ARHGAP20: variants seen among roughly 807,000 people sequenced by gnomAD.
The protein encoded by ARHGAP20 is Rho GTPase activating protein 20, also known as rho GTPase-activating protein 20.
Under a neutral mutation model 73.7 loss-of-function variants are expected in ARHGAP20, and 34 were observed. The observed-to-expected ratio is 0.46, with a 90% CI of 0.35 to 0.61. The LOEUF is 0.61. Ranked by LOEUF, ARHGAP20 falls within the 20% of genes least tolerant of loss-of-function variation. ARHGAP20 has a pLI of 0.00. For synonymous variants in ARHGAP20, 523 were observed against 518.2 expected (o/e 1.01, Z -0.13); for missense variants, 1,314 against 1,420.9 (o/e 0.92, Z 1.21).
At chr11:110,698,106 T>C (rs1280611062) in intron 1 of ARHGAP20, among the ~76,000 whole-genome samples, 2 of 151,726 alleles carry the variant, frequency 1.3e-5, no homozygotes, top group Non-Finnish European at 3.0e-5. Context: ...CATCAGCCTA[T>C]TTTGTTAAGG....
chr11:110,649,042 T>C (rs931958492), intron 2 of ARHGAP20, among the ~76,000 whole-genome samples: 48 of 152,126 alleles, frequency 3.2e-4, no homozygotes, highest in Non-Finnish European at 6.0e-4. Context: ...TTTTGACATG[T>C]ATGTTTTGAA....
chr11:110,592,535 T>G (rs1305599811), intron 9 of ARHGAP20, among the ~76,000 whole-genome samples: 1 of 151,836 alleles, frequency 6.6e-6, no homozygotes, highest in Non-Finnish European at 1.5e-5. Flanking sequence ...AGACTAAGCA[T>G]ACAAAAAGTT....
Position 110,580,242 on chromosome 11 carries a change from T to G in ARHGAP20, c.2704A>C (p.Ser902Arg). 6.2e-7 allele frequency: 1 copy of G among 1,614,222 alleles called. No homozygotes were observed. Among genetic ancestry groups the G allele is most frequent in the Non-Finnish European group, 8.5e-7 (1 of 1,180,034 alleles). ...QMEGQKLINQ[S>R]LVMGIEVGKS... ...CCCACCTCAATCCCCATGACTAAAC[T>G]CTGATTAATGAGCTTCTGCCCCTCC... Residue 902 changes from serine to arginine, a missense_variant, in exon 15 of 15, where the codon AGT (serine) becomes CGT (arginine). Coordinates refer to ENST00000683387, the MANE Select transcript of ARHGAP20 (RefSeq NM_001384657.1).
At chr11:110,655,492 T>C (rs1949445818) in intron 2 of ARHGAP20, among the ~76,000 whole-genome samples, 1 of 152,218 alleles carries the variant, frequency 6.6e-6, no homozygotes, top group Non-Finnish European at 1.5e-5. Context: ...CCAAGGGTTT[T>C]TGTCTGTCTT....
intron 2 of ARHGAP20, among the ~76,000 whole-genome samples, chr11:110,676,068 C>CT (rs2135080703): frequency 6.6e-6 from 1 of 152,296 alleles, no homozygotes; most frequent in East Asian, 1.9e-4. Flanking sequence ...GGTATTACAA[C>CT]TCCCGCACAT....
chr11:110,588,410 T>G (rs1260207563), intron 11 of ARHGAP20, among the ~76,000 whole-genome samples: 2 of 152,174 alleles, frequency 1.3e-5, no homozygotes, highest in Admixed American at 1.3e-4. Flanking sequence ...AAGCTATAAC[T>G]TAAACTTATA....
intron 2 of ARHGAP20, among the ~76,000 whole-genome samples, chr11:110,688,263 A>C (rs947958443): frequency 6.6e-6 from 1 of 151,900 alleles, no homozygotes; most frequent in Non-Finnish European, 1.5e-5. Flanking sequence ...CCTAGAGGTT[A>C]GTAACACCCC....
chr11:110,697,705 G>C (rs189866320), intron 1 of ARHGAP20, among the ~76,000 whole-genome samples: 4 of 151,814 alleles, frequency 2.6e-5, no homozygotes. Context: ...GTTTATTTTT[G>C]TTGGCTTTGT....
chr11:110,579,007 A>G lies in ARHGAP20; in HGVS notation c.*363T>C. The stretch of plus-strand genomic sequence containing the variant: ...CCTTCCCCTCTCTCCTCAGGCCCCT[A>G]TTCCTCATTCCTGATATCTTGGTCT... On this transcript the variant is annotated 3_prime_UTR_variant, in exon 15 of 15. Coordinates refer to ENST00000683387, the MANE Select transcript of ARHGAP20 (RefSeq NM_001384657.1). The G allele has an allele frequency of 1.0e-6, 1 of 997,128 alleles. No homozygotes were observed. The highest frequency in any genetic ancestry group is 1.2e-6 in the Non-Finnish European group (1 of 836,212). The allele number at this position is 997,128 out of a possible 1,614,324, so 61.8% of individuals were successfully genotyped here.
Position 110,624,258 on chromosome 11 carries a change from G to A in ARHGAP20, c.407C>T (p.Thr136Ile). 1 of 1,610,470 alleles carries A rather than the reference G, an allele frequency of 6.2e-7. No homozygotes were observed. Among genetic ancestry groups the A allele is most frequent in the Non-Finnish European group, 8.5e-7 (1 of 1,177,840 alleles). ...KNKIKLTDMW[T>I]ASCVDEVGEG... ...TCCCACTTCATCCACACAGCTTGCTGTCCACATATCAGTTAATTTAATTTT... is the reference window on the plus strand; with the variant it reads ...TCCCACTTCATCCACACAGCTTGCTATCCACATATCAGTTAATTTAATTTT... The change falls in exon 4 of 15, where the codon ACA becomes ATA. Residue 136 changes from threonine to isoleucine, a missense_variant. This residue lies in a region of ARHGAP20 where 443 missense variants were observed against 466.4 expected (regional missense o/e 0.95). Coordinates refer to ENST00000683387, the MANE Select transcript of ARHGAP20 (RefSeq NM_001384657.1).
chr11:110,679,297 T>C (rs1043923097), intron 2 of ARHGAP20, among the ~76,000 whole-genome samples: 1 of 152,182 alleles, frequency 6.6e-6, no homozygotes, highest in South Asian at 2.1e-4. Flanking sequence ...ACATCACTAC[T>C]TTTACCAAAT....
chr11:110,615,607 A>T lies in ARHGAP20; in HGVS notation c.504-13T>A. The T allele has an allele frequency of 6.2e-7, 1 of 1,610,358 alleles. No homozygotes were observed. Among genetic ancestry groups the T allele is most frequent in the Non-Finnish European group, 8.5e-7 (1 of 1,178,050 alleles). On this transcript the variant is annotated splice_polypyrimidine_tract_variant and intron_variant, in intron 4 of 14. Transcript: ENST00000683387. ...TTGTTCTGGAGAACTGCAATCAAAGAAAATGGGAGAGAAAAATTAAACCAC... is the reference window on the plus strand; with the variant it reads ...TTGTTCTGGAGAACTGCAATCAAAGTAAATGGGAGAGAAAAATTAAACCAC...
At chr11:110,698,182 T>A (rs1950373821) in intron 1 of ARHGAP20, among the ~76,000 whole-genome samples, 1 of 151,906 alleles carries the variant, frequency 6.6e-6, no homozygotes, top group South Asian at 2.1e-4. Context: ...GATGACTGTA[T>A]GGTTTTTGTT....
chr11:110,672,881 T>C (rs769390576), intron 2 of ARHGAP20, among the ~76,000 whole-genome samples: 4 of 152,152 alleles, frequency 2.6e-5, no homozygotes, highest in Non-Finnish European at 5.9e-5. Flanking sequence ...CTTAAGATAT[T>C]TACCCAACAG....
intron 3 of ARHGAP20, among the ~76,000 whole-genome samples, chr11:110,628,701 T>C (rs1316726328): frequency 1.3e-5 from 2 of 152,146 alleles, no homozygotes; most frequent in Non-Finnish European, 1.5e-5. Context: ...AATCAATTGA[T>C]AGAATTTTTT....
chr11:110,654,076 G>A (rs1949415805), intron 2 of ARHGAP20, among the ~76,000 whole-genome samples: 1 of 152,106 alleles, frequency 6.6e-6, no homozygotes, highest in African/African-American at 2.4e-5. Context: ...GGGAGCATCA[G>A]GAAAAATAGC....
intron 5 of ARHGAP20, 84 bp downstream of exon 5, chr11:110,615,469 T>A: frequency 1.5e-6 from 2 of 1,290,878 alleles, no homozygotes; most frequent in Non-Finnish European, 2.2e-6. Context: ...AGAAGGGGAA[T>A]AATTTGGGGC....
rs1234357802 is a variant in ARHGAP20, at chr11:110,711,690, A to C, written c.105+437T>G. On this transcript the variant is annotated intron_variant, in intron 1 of 14. Coordinates refer to ENST00000683387, the MANE Select transcript of ARHGAP20 (RefSeq NM_001384657.1). ...AGCGCCGGCTGCCGCTCCCGGGCAG[A>C]CATCGCCGGCCCTGACTTTGGGGCT... is the stretch of plus-strand genomic sequence containing the variant. The C allele has an allele frequency of 4.1e-6, 6 of 1,452,228 alleles. No homozygotes were observed. In the South Asian group the frequency reaches 8.1e-5, roughly 20 times the overall value. 90.0% of individuals were successfully genotyped at this position (1,452,228 alleles called of 1,614,324 possible). A position where few individuals can be genotyped will look rare whatever the true frequency, so the allele number is the denominator to read the frequency against.
At chr11:110,696,195 G>T (rs1038508754) in intron 1 of ARHGAP20, among the ~76,000 whole-genome samples, 1 of 151,582 alleles carries the variant, frequency 6.6e-6, no homozygotes, top group African/African-American at 2.4e-5. Flanking sequence ...AGCTAAGGGG[G>T]TTCAGTGTTT....
Sources: allele counts gnomAD v4.1 joint callset (sites outside exome capture counted in the v4.1 genomes callset), GRCh38; gene constraint gnomAD v4.1.1; regional missense constraint gnomAD v4.1.1; transcripts MANE v1.5; gene names NCBI Gene and HGNC (gene_info 2026-07-23, HGNC 2026-07-21).